Variants in UBE2R2 observed in about 807,000 individuals in gnomAD.
UBE2R2 encodes the protein ubiquitin-conjugating enzyme E2 R2.
UBE2R2 carries 1 observed loss-of-function variant against 27.8 expected under a neutral mutation model. The ratio of observed to expected loss-of-function variants is 0.04; its 90% CI spans 0.01 to 0.17. The LOEUF (loss-of-function observed/expected upper bound fraction) is 0.17. Among genes scored for constraint, UBE2R2 ranks in the 10% least tolerant of loss-of-function variants. The pLI, the probability that UBE2R2 is intolerant of heterozygous loss-of-function variation, is 1.00. For synonymous variants in UBE2R2, 106 were observed against 113.3 expected (o/e 0.94, Z 0.41); for missense variants, 100 against 291.0 (o/e 0.34, Z 4.78).
At chr9:33,844,212 A>G (rs1820789646) in intron 1 of UBE2R2, among the ~76,000 whole-genome samples, 1 of 152,050 alleles carries the variant, frequency 6.6e-6, no homozygotes, top group African/African-American at 2.4e-5. Flanking sequence ...ACACATATAT[A>G]TAAGTATTTT....
chr9:33,871,085 T>C (rs1587459325), intron 1 of UBE2R2, among the ~76,000 whole-genome samples: 1 of 152,244 alleles, frequency 6.6e-6, no homozygotes, highest in Non-Finnish European at 1.5e-5. Flanking sequence ...AGTACCCCTT[T>C]GTAAATTTTA....
chr9:33,869,658 C>G (rs1055899852), intron 1 of UBE2R2, among the ~76,000 whole-genome samples: 2 of 151,922 alleles, frequency 1.3e-5, no homozygotes, highest in Non-Finnish European at 2.9e-5. Flanking sequence ...CCATGTTGGC[C>G]AGGCTCGTCT....
At position 33,884,198 on chromosome 9, in the gene UBE2R2, A is replaced by ATCTCTCTCTCTCTCTCTCTCTCTCTC. The variant is rs777923492; in HGVS notation, c.178-2671_178-2646dup. ...AGTTTTTGTACTTAACAACTTAAGA[A>ATCTCTCTCTCTCTCTCTCTCTCTCTC]TCTCTCTCTCTCTCTCTCTCTCTCT... is the stretch of plus-strand genomic sequence containing the variant. On this transcript the variant is annotated intron_variant, in intron 1 of 4. Transcript: ENST00000263228. Among the ~76,000 whole-genome samples the ATCTCTCTCTCTCTCTCTCTCTCTCTC allele has an allele frequency of 5.2e-3, 329 of 63,468 alleles. 47 individuals are homozygous for ATCTCTCTCTCTCTCTCTCTCTCTCTC. The highest frequency in any genetic ancestry group is 0.01 in the Middle Eastern group (1 of 100). 41.6% of individuals were successfully genotyped at this position (63,468 alleles called of 152,430 possible).
intron 1 of UBE2R2, among the ~76,000 whole-genome samples, chr9:33,864,519 C>T (rs484194): frequency 6.6e-6 from 1 of 152,066 alleles, no homozygotes; most frequent in Non-Finnish European, 1.5e-5. Flanking sequence ...CTTTTCAACT[C>T]TTCTGGAATT....
At chr9:33,876,860 G>C (rs995218445) in intron 1 of UBE2R2, among the ~76,000 whole-genome samples, 1 of 152,106 alleles carries the variant, frequency 6.6e-6, no homozygotes, top group Non-Finnish European at 1.5e-5. Context: ...AGCTTGCAGT[G>C]AGCCGAGATC....
At chr9:33,870,484 C>G (rs1821463835) in intron 1 of UBE2R2, among the ~76,000 whole-genome samples, 1 of 151,888 alleles carries the variant, frequency 6.6e-6, no homozygotes, top group African/African-American at 2.4e-5. Context: ...AATAGGAAAC[C>G]AAGGAAAGTT....
At chr9:33,872,858 C>T (rs990349177) in intron 1 of UBE2R2, among the ~76,000 whole-genome samples, 7 of 151,506 alleles carry the variant, frequency 4.6e-5, no homozygotes, top group South Asian at 2.1e-4. Context: ...ACTTGCTTAA[C>T]GGTTTCAGAA....
chr9:33,826,873 G>A (rs760059435), intron 1 of UBE2R2, among the ~76,000 whole-genome samples: 3 of 152,064 alleles, frequency 2.0e-5, no homozygotes, highest in African/African-American at 4.8e-5. Context: ...ACCTGAGCTC[G>A]GAAGTTCGAG....
chr9:33,871,290 T>C (rs1300019031), intron 1 of UBE2R2, among the ~76,000 whole-genome samples: 1 of 152,258 alleles, frequency 6.6e-6, no homozygotes, highest in Non-Finnish European at 1.5e-5. Flanking sequence ...GTAACATGTT[T>C]GGTTTTCAGT....
At chr9:33,902,928 T>G (rs961778712) in intron 3 of UBE2R2, among the ~76,000 whole-genome samples, 3 of 152,090 alleles carry the variant, frequency 2.0e-5, no homozygotes, top group Non-Finnish European at 4.4e-5. Context: ...GAAGAAACCC[T>G]GTCTCTACTA....
chr9:33,848,657 A>T (rs1305504093), intron 1 of UBE2R2, among the ~76,000 whole-genome samples: 2 of 151,664 alleles, frequency 1.3e-5, no homozygotes, highest in East Asian at 3.9e-4. Flanking sequence ...GCTGGAGTGC[A>T]ATGGCGTGAT....
intron 1 of UBE2R2, among the ~76,000 whole-genome samples, chr9:33,871,874 C>T (rs181777702): frequency 6.6e-6 from 1 of 152,226 alleles, no homozygotes; most frequent in East Asian, 1.9e-4. Flanking sequence ...CCATGCATGG[C>T]TAATTTTTTG....
At chr9:33,907,582 C>T (rs374220168) in intron 3 of UBE2R2, among the ~76,000 whole-genome samples, 1 of 151,462 alleles carries the variant, frequency 6.6e-6, no homozygotes, top group African/African-American at 2.4e-5. Flanking sequence ...TTCCTCTAGA[C>T]GTGGAGTAGA....
chr9:33,903,066 T>C (rs1822279307), intron 3 of UBE2R2, among the ~76,000 whole-genome samples: 1 of 151,970 alleles, frequency 6.6e-6, no homozygotes, highest in East Asian at 1.9e-4. Flanking sequence ...GCCACTGCAC[T>C]CCAGCCTGGG....
At chr9:33,822,281 A>G (rs1274819867) in intron 1 of UBE2R2, among the ~76,000 whole-genome samples, 1 of 151,442 alleles carries the variant, frequency 6.6e-6, no homozygotes, top group Non-Finnish European at 1.5e-5. Context: ...GGTAGAGACG[A>G]GGTTTCTCCA....
chr9:33,871,796 C>T (rs982058058), intron 1 of UBE2R2, among the ~76,000 whole-genome samples: 1 of 152,178 alleles, frequency 6.6e-6, no homozygotes. Flanking sequence ...CCGCAACCTC[C>T]ACCTCCTGGG....
intron 2 of UBE2R2, among the ~76,000 whole-genome samples, chr9:33,890,306 C>T (rs1393568586): frequency 6.6e-6 from 1 of 152,216 alleles, no homozygotes; most frequent in Non-Finnish European, 1.5e-5. Flanking sequence ...AAGTGATAGG[C>T]CGGGCGCAGT....
intron 1 of UBE2R2, among the ~76,000 whole-genome samples, chr9:33,838,373 T>C (rs1175453593): frequency 6.6e-6 from 1 of 151,774 alleles, no homozygotes; most frequent in Non-Finnish European, 1.5e-5. Context: ...TTTATATATA[T>C]GTATGTACAT....
upstream of UBE2R2, among the ~76,000 whole-genome samples, chr9:33,816,794 A>AGG (rs1307135652): frequency 6.6e-6 from 1 of 152,158 alleles, no homozygotes; most frequent in African/African-American, 2.4e-5. Flanking sequence ...CACAGTGGGG[A>AGG]GGGCCCCGAG....
Sources: gnomAD v4.1 joint callset for allele counts (sites outside exome capture counted in the v4.1 genomes callset) on GRCh38, gnomAD v4.1.1 for gene constraint, MANE v1.5 for transcripts, NCBI Gene and HGNC (gene_info 2026-07-23, HGNC 2026-07-21) for gene names.